Variants in AGMO observed in about 807,000 individuals in gnomAD.
The protein encoded by AGMO is glyceryl-ether monooxygenase.
Under a neutral mutation model 60.2 loss-of-function variants are expected in AGMO, and 75 were observed. That is an observed-to-expected ratio of 1.25 (90% CI 1.03 to 1.51). AGMO has a LOEUF of 1.51. Among genes scored for constraint, AGMO ranks in the 40% most tolerant of loss-of-function variants. The probability of loss-of-function intolerance (pLI) is 0.00; values close to 1 mark genes in which losing one functional copy is unlikely to be tolerated. For synonymous variants in AGMO, 261 were observed against 177.1 expected, an observed-to-expected ratio of 1.47 and a Z score of -3.76; for missense variants, 763 against 525.5, an observed-to-expected ratio of 1.45 and a Z score of -4.42.
chr7:15,256,766 T>C (rs936955422), intron 12 of AGMO, among the ~76,000 whole-genome samples: 5 of 152,196 alleles, frequency 3.3e-5, no homozygotes, highest in Non-Finnish European at 5.9e-5. Flanking sequence ...CTGGGAGCAA[T>C]AGGCTAAACC....
chr7:15,183,772 T>C, the AGMO span, among the ~76,000 whole-genome samples: 1 of 152,150 alleles, frequency 6.6e-6, no homozygotes, highest in Admixed American at 6.5e-5. Context: ...CAAACTGCAA[T>C]TAGAGAAAAT....
intron 3 of AGMO, among the ~76,000 whole-genome samples, chr7:15,434,406 T>C (rs976185634): frequency 2.0e-5 from 3 of 152,224 alleles, no homozygotes; most frequent in East Asian, 1.9e-4. Context: ...GCAAAGATGA[T>C]GGGATGTCAC....
intron 3 of AGMO, among the ~76,000 whole-genome samples, chr7:15,479,701 C>T (rs1034126887): frequency 1.3e-5 from 2 of 152,132 alleles, no homozygotes; most frequent in Non-Finnish European, 2.9e-5. Context: ...TTTCCATCAA[C>T]CCTGAAGGCC....
chr7:15,224,593 T>C (rs533583109), intron 12 of AGMO, among the ~76,000 whole-genome samples: 71 of 152,114 alleles, frequency 4.7e-4, no homozygotes, highest in Admixed American at 7.9e-4. Flanking sequence ...TCATCTATGG[T>C]ATCCTATTAT....
intron 3 of AGMO, among the ~76,000 whole-genome samples, chr7:15,500,815 G>A (rs1401092948): frequency 3.3e-5 from 5 of 151,892 alleles, no homozygotes; most frequent in Non-Finnish European, 1.5e-5. Context: ...ACTTTTAGAT[G>A]TGGGCCTTTA....
At chr7:15,118,870 G>A in the AGMO span, among the ~76,000 whole-genome samples, 10 of 131,594 alleles carry the variant, frequency 7.6e-5, no homozygotes, top group African/African-American at 2.2e-4. Flanking sequence ...ATTCCCAGAC[G>A]TCAGTATTTT....
the AGMO span, among the ~76,000 whole-genome samples, chr7:15,178,371 T>G: frequency 6.6e-6 from 1 of 152,194 alleles, no homozygotes; most frequent in South Asian, 2.1e-4. Flanking sequence ...ACTGCTTTCC[T>G]GCAGAGTAAT....
rs190983126 is a variant in AGMO at position 15,532,248 on chromosome 7, G to A, written c.409+12524C>T. ...TGTCACCATGATCTAAAATAGATAG[G>A]ATTGGTGTTGATATTAGTGTGTGTT... On this transcript the variant is annotated intron_variant, in intron 3 of 12. Transcript: ENST00000342526. 1.2e-3 allele frequency among the ~76,000 whole-genome samples: 178 copies of A among 152,268 alleles called. 1 individual carries two copies. Among genetic ancestry groups the A allele is most frequent in the African/African-American group, 4.1e-3 (170 of 41,572 alleles).
At chr7:15,169,772 T>TG in the AGMO span, among the ~76,000 whole-genome samples, 1 of 152,184 alleles carries the variant, frequency 6.6e-6, no homozygotes, top group Non-Finnish European at 1.5e-5. Context: ...TTGGAACAGT[T>TG]GGAGTCAGTA....
chr7:15,402,290 TTTTA>T (rs1406909664), intron 5 of AGMO, among the ~76,000 whole-genome samples: 1 of 151,866 alleles, frequency 6.6e-6, no homozygotes, highest in African/African-American at 2.4e-5. Flanking sequence ...CCTCCTCCTC[TTTTA>T]TTTTTTTCTC....
chr7:15,322,486 AAAT>A (rs1781145755), intron 12 of AGMO, among the ~76,000 whole-genome samples: 1 of 95,608 alleles, frequency 1.0e-5, no homozygotes, highest in Admixed American at 1.7e-4. Context: ...ATATATATAT[AAAT>A]ATATATAAAT....
chr7:15,394,463 C>T (rs752352916), intron 5 of AGMO, among the ~76,000 whole-genome samples: 1 of 152,130 alleles, frequency 6.6e-6, no homozygotes, highest in African/African-American at 2.4e-5. Context: ...CTGTGTGATC[C>T]TGGGGAAACG....
intron 3 of AGMO, among the ~76,000 whole-genome samples, chr7:15,448,910 G>A (rs897061160): frequency 6.6e-6 from 1 of 152,124 alleles, no homozygotes; most frequent in South Asian, 2.1e-4. Flanking sequence ...AGTTCTTATT[G>A]TCACTGTTTT....
chr7:15,489,021 T>C (rs1782997249), intron 3 of AGMO, among the ~76,000 whole-genome samples: 1 of 152,158 alleles, frequency 6.6e-6, no homozygotes, highest in South Asian at 2.1e-4. Context: ...TTATTTGCAA[T>C]AGTTGATAAA....
chr7:15,437,775 C>A (rs560114286), intron 3 of AGMO, among the ~76,000 whole-genome samples: 1 of 152,070 alleles, frequency 6.6e-6, no homozygotes. Flanking sequence ...CTCCTGACCT[C>A]GTGATCCGCC....
chr7:15,400,297 T>C (rs1376003523), intron 5 of AGMO, among the ~76,000 whole-genome samples: 1 of 152,154 alleles, frequency 6.6e-6, no homozygotes, highest in Non-Finnish European at 1.5e-5. Flanking sequence ...ATTTTTAATG[T>C]TTGGAGATAA....
intron 12 of AGMO, among the ~76,000 whole-genome samples, chr7:15,354,478 G>A (rs1380557066): frequency 6.4e-5 from 1 of 15,698 alleles, no homozygotes; most frequent in Non-Finnish European, 1.0e-4. Context: ...GTATACACAC[G>A]TGTGTATATA....
At chr7:15,363,201 A>G (rs1782831850) in intron 12 of AGMO, among the ~76,000 whole-genome samples, 1 of 152,216 alleles carries the variant, frequency 6.6e-6, no homozygotes, top group African/African-American at 2.4e-5. Flanking sequence ...CCAAGAATTC[A>G]TAGCACTGAC....
chr7:15,272,743 C>T (rs1437991296), intron 12 of AGMO, among the ~76,000 whole-genome samples: 5 of 152,162 alleles, frequency 3.3e-5, no homozygotes, highest in Non-Finnish European at 7.3e-5. Context: ...TACAGTGCCA[C>T]CAACAGTGTA....
Sources: gnomAD v4.1 joint callset for allele counts (sites outside exome capture counted in the v4.1 genomes callset) on GRCh38, gnomAD v4.1.1 for gene constraint, MANE v1.5 for transcripts, NCBI Gene and HGNC (gene_info 2026-07-23, HGNC 2026-07-21) for gene names.